MAP3K1: variants seen among roughly 807,000 people sequenced by gnomAD.
MAP3K1 encodes the protein mitogen-activated protein kinase kinase kinase 1.
In MAP3K1, 36 loss-of-function variants were observed where a neutral mutation model predicts 144.2. That is an observed-to-expected ratio of 0.25 (90% CI 0.19 to 0.33). MAP3K1 has a LOEUF of 0.33. MAP3K1 is among the 10% of genes least tolerant of loss of function. The probability of loss-of-function intolerance (pLI) is 1.00; values close to 1 mark genes in which losing one functional copy is unlikely to be tolerated. For synonymous variants in MAP3K1, 718 were observed against 688.7 expected (o/e 1.04, Z -0.67); for missense variants, 1,650 against 1,881.9 (o/e 0.88, Z 2.28).
In MAP3K1 at chr5:56,872,707, C is replaced by G. The variant is rs1344397176; in HGVS notation, c.1490C>G (p.Ser497Cys). Reference protein sequence around the residue: ...ICPLCRSKWRSHDFYSHELSS... With the variant: ...ICPLCRSKWRCHDFYSHELSS... Reference sequence around the variant, plus strand: ...CCCCTTTGTAGATCTAAGTGGAGATCTCATGATTTCTACAGGTAATAATTT... The same window carrying G: ...CCCCTTTGTAGATCTAAGTGGAGATGTCATGATTTCTACAGGTAATAATTT... Residue 497 changes from serine (S) to cysteine (C), a missense_variant, in exon 8 of 20, where the codon TCT (serine) becomes TGT (cysteine). Coordinates refer to ENST00000399503, the MANE Select transcript of MAP3K1 (RefSeq NM_005921.2). 1 of 1,604,086 alleles carries G rather than the reference C, an allele frequency of 6.2e-7. No individual in the cohort carries two copies. Among genetic ancestry groups the G allele is most frequent in the Non-Finnish European group, 8.5e-7 (1 of 1,171,188 alleles).
rs771844896 is a variant in MAP3K1 at position 56,895,333 on chromosome 5, A to G, written c.*1653A>G. ...CAGAAATGTGAAGTTTGGTATCTCTAAATGTGTTGTACTTGACTTTCTTTT... is the reference window on the plus strand; with the variant it reads ...CAGAAATGTGAAGTTTGGTATCTCTGAATGTGTTGTACTTGACTTTCTTTT... On this transcript the variant is annotated 3_prime_UTR_variant, in exon 20 of 20. Transcript: ENST00000399503. The G allele has an allele frequency of 7.6e-4, 175 of 231,202 alleles. 1 individual carries two copies. The highest frequency in any genetic ancestry group is 6.5e-3 in the Middle Eastern group (5 of 768). The allele number at this position is 231,202 out of a possible 1,614,324, so 14.3% of individuals were successfully genotyped here.
intron 7 of MAP3K1, 131 bp downstream of exon 7, chr5:56,872,162 G>GTCCTAAA (rs1747873255): frequency 8.4e-7 from 1 of 1,195,612 alleles, no homozygotes; most frequent in Non-Finnish European, 1.2e-6. Flanking sequence ...TAAGTCCTAA[G>GTCCTAAA]TCCTATGTGA....
chr5:56,825,672 T>C (rs1746290273), intron 1 of MAP3K1, among the ~76,000 whole-genome samples: 1 of 152,228 alleles, frequency 6.6e-6, no homozygotes, highest in South Asian at 2.1e-4. Context: ...CTTACTCTTC[T>C]GGCTTTCACA....
intron 1 of MAP3K1, among the ~76,000 whole-genome samples, chr5:56,824,933 T>TA (rs201120968): frequency 6.6e-6 from 1 of 151,372 alleles, no homozygotes; most frequent in Non-Finnish European, 1.5e-5. Context: ...TCCGGTTTTT[T>TA]AAAAAAAATT....
At chr5:56,879,742 TA>T (rs1278122406) in intron 11 of MAP3K1, among the ~76,000 whole-genome samples, 1 of 152,212 alleles carries the variant, frequency 6.6e-6, no homozygotes, top group Non-Finnish European at 1.5e-5. Flanking sequence ...TCCCCTTCCA[TA>T]AAATAGGAGG....
chr5:56,890,163 A>G (rs556548352), intron 19 of MAP3K1, among the ~76,000 whole-genome samples: 19 of 152,246 alleles, frequency 1.2e-4, no homozygotes, highest in African/African-American at 4.6e-4. Context: ...CTTGAGGTCC[A>G]TTCATGTCTG....
intron 19 of MAP3K1, among the ~76,000 whole-genome samples, chr5:56,892,911 AATT>A (rs1397629308): frequency 6.6e-6 from 1 of 152,112 alleles, no homozygotes; most frequent in East Asian, 1.9e-4. Context: ...ATTTAAAAAT[AATT>A]ATCAGATTTT....
chr5:56,892,154 C>T (rs1221099177), intron 19 of MAP3K1, among the ~76,000 whole-genome samples: 1 of 152,184 alleles, frequency 6.6e-6, no homozygotes, highest in Admixed American at 6.5e-5. Flanking sequence ...ATCGATTCTT[C>T]CTATCCATGA....
chr5:56,881,067 A>G lies in MAP3K1; in HGVS notation c.2180-16A>G, dbSNP rs1368555356. The stretch of plus-strand genomic sequence containing the variant: ...CACTATTTTTTAATCATTTATTTTT[A>G]CTTTCCTTTTTGTAGGATCCATTGG... On this transcript the variant is annotated splice_polypyrimidine_tract_variant and intron_variant, in intron 12 of 19. Coordinates refer to ENST00000399503, the MANE Select transcript of MAP3K1 (RefSeq NM_005921.2). 6.3e-7 allele frequency: 1 copy of G among 1,591,108 alleles called. No individual in the cohort carries two copies. The highest frequency in any genetic ancestry group is 8.6e-7 in the Non-Finnish European group (1 of 1,161,538).
At chr5:56,890,969 C>G (rs1348593251) in intron 19 of MAP3K1, among the ~76,000 whole-genome samples, 1 of 152,036 alleles carries the variant, frequency 6.6e-6, no homozygotes, top group Non-Finnish European at 1.5e-5. Context: ...TCGCTTGAGC[C>G]CAGGAGGTCA....
intron 1 of MAP3K1, among the ~76,000 whole-genome samples, chr5:56,839,972 G>A (rs1178910045): frequency 6.6e-6 from 1 of 152,112 alleles, no homozygotes; most frequent in African/African-American, 2.4e-5. Context: ...GAAGTGTTTG[G>A]GGTCTCTAGA....
chr5:56,836,899 A>AT (rs1281426094), intron 1 of MAP3K1, among the ~76,000 whole-genome samples: 6 of 152,148 alleles, frequency 3.9e-5, no homozygotes, highest in Admixed American at 2.6e-4. Flanking sequence ...TGAATTTTGT[A>AT]TTTTAGCCAC....
chr5:56,875,975 T>C (rs1424184996), intron 10 of MAP3K1, among the ~76,000 whole-genome samples: 1 of 152,174 alleles, frequency 6.6e-6, no homozygotes, highest in East Asian at 1.9e-4. Flanking sequence ...CAAAAGCCTT[T>C]TCAAAGAAAA....
Position 56,882,008 on chromosome 5 carries a change from A to G in MAP3K1, c.2808A>G (p.Val936=), listed in dbSNP as rs1368434819. Residue 936 remains valine (V), a synonymous_variant, in exon 14 of 20, where the codon GTA becomes GTG. Coordinates refer to ENST00000399503, the MANE Select transcript of MAP3K1 (RefSeq NM_005921.2). ...DISERLASIS[V]GPSSSTTTTT... is the part of the protein sequence containing the mutation. ...CTGAGAGACTGGCCAGCATTTCAGTAGGACCTTCTAGTTCAACAACAACAA... is the reference window on the plus strand; with the variant it reads ...CTGAGAGACTGGCCAGCATTTCAGTGGGACCTTCTAGTTCAACAACAACAA... 1 of 1,574,512 alleles carries G rather than the reference A, an allele frequency of 6.4e-7. No homozygotes were observed. The highest frequency in any genetic ancestry group is 1.8e-5 in the Admixed American group (1 of 56,082).
At chr5:56,839,158 A>G (rs1390430810) in intron 1 of MAP3K1, among the ~76,000 whole-genome samples, 1 of 152,238 alleles carries the variant, frequency 6.6e-6, no homozygotes, top group Non-Finnish European at 1.5e-5. Context: ...TGTAGTTCCT[A>G]ACAATAGTAT....
intron 1 of MAP3K1, among the ~76,000 whole-genome samples, chr5:56,849,977 A>G (rs78802763): frequency 0.032 from 4,923 of 152,266 alleles, 249 homozygotes; most frequent in African/African-American, 0.11. Flanking sequence ...ATGGAGTAGT[A>G]AGAGCCGCGT....
chr5:56,865,994 G>A lies in MAP3K1; in HGVS notation c.1301+17G>A, dbSNP rs745548925. 3.2e-6 allele frequency: 5 copies of A among 1,574,996 alleles called. No homozygotes were observed. Among genetic ancestry groups the A allele is most frequent in the Non-Finnish European group, 2.6e-6 (3 of 1,144,584 alleles). ...AGAAAACAGGTTAGTACTTTTTAAG[G>A]ATTTCAAACATTAATCCAGTGTTAC... On this transcript the variant is annotated intron_variant, in intron 6 of 19. Coordinates refer to ENST00000399503, the MANE Select transcript of MAP3K1 (RefSeq NM_005921.2).
chr5:56,837,261 C>G (rs369082819), intron 1 of MAP3K1, among the ~76,000 whole-genome samples: 12 of 152,094 alleles, frequency 7.9e-5, no homozygotes, highest in East Asian at 7.7e-4. Flanking sequence ...GCATTTTATT[C>G]CTACTTACCA....
At chr5:56,855,229 T>C (rs1747304091) in intron 1 of MAP3K1, among the ~76,000 whole-genome samples, 1 of 151,782 alleles carries the variant, frequency 6.6e-6, no homozygotes, top group Non-Finnish European at 1.5e-5. Flanking sequence ...ACACATCCCC[T>C]AATATTTATA....
Sources: gnomAD v4.1 joint callset for allele counts (sites outside exome capture counted in the v4.1 genomes callset) on GRCh38, gnomAD v4.1.1 for gene constraint, MANE v1.5 for transcripts, NCBI Gene and HGNC (gene_info 2026-07-23, HGNC 2026-07-21) for gene names.